PTPRD: variants seen among roughly 807,000 people sequenced by gnomAD.
PTPRD encodes protein tyrosine phosphatase receptor type D, also known as receptor-type tyrosine-protein phosphatase delta.
Under a neutral mutation model 214.5 loss-of-function variants are expected in PTPRD, and 34 were observed. The ratio of observed to expected loss-of-function variants is 0.16; its 90% CI spans 0.12 to 0.21. The LOEUF is 0.21. PTPRD is among the 10% of genes least tolerant of loss of function. PTPRD has a pLI of 1.00. For synonymous variants in PTPRD, 1,128 were observed against 845.7 expected (o/e 1.33, Z -5.79); for missense variants, 2,545 against 2,398.7 (o/e 1.06, Z -1.27).
At chr9:8,925,769 C>G (rs12337892) in intron 11 of PTPRD, among the ~76,000 whole-genome samples, 12,278 of 151,428 alleles carry the variant, frequency 0.081, 696 homozygotes, top group Non-Finnish European at 0.12. Context: ...CTTTCTCCCC[C>G]TGACACTCAC....
chr9:9,121,600 T>C (rs1316196220), intron 10 of PTPRD, among the ~76,000 whole-genome samples: 2 of 152,194 alleles, frequency 1.3e-5, no homozygotes, highest in Admixed American at 1.3e-4. Context: ...ATGTTCTCAC[T>C]GATTTGTGGG....
intron 11 of PTPRD, among the ~76,000 whole-genome samples, chr9:8,948,276 C>A (rs920715609): frequency 6.8e-6 from 1 of 147,558 alleles, no homozygotes; most frequent in African/African-American, 2.5e-5. Context: ...CCTCAGCCTC[C>A]CAAAGTGCTG....
intron 3 of PTPRD, among the ~76,000 whole-genome samples, chr9:10,116,539 T>G (rs1256469350): frequency 1.3e-5 from 2 of 152,174 alleles, no homozygotes; most frequent in African/African-American, 4.8e-5. Context: ...GGTTTTTTAG[T>G]GAAACACATA....
intron 14 of PTPRD, among the ~76,000 whole-genome samples, chr9:8,629,344 A>G (rs542281155): frequency 5.9e-5 from 9 of 151,886 alleles, no homozygotes; most frequent in Non-Finnish European, 1.3e-4. Context: ...GTGATTGATA[A>G]CATCTATCAG....
intron 9 of PTPRD, among the ~76,000 whole-genome samples, chr9:9,378,828 T>A (rs1035302446): frequency 3.3e-5 from 5 of 152,118 alleles, no homozygotes; most frequent in African/African-American, 1.2e-4. Flanking sequence ...GATGTATCCC[T>A]TAAAATCTTT....
chr9:8,910,736 G>C (rs1023247978), intron 11 of PTPRD, among the ~76,000 whole-genome samples: 1 of 151,948 alleles, frequency 6.6e-6, no homozygotes, highest in Non-Finnish European at 1.5e-5. Context: ...TAATCTACTA[G>C]AACTAGAAAA....
chr9:8,636,596 T>G, intron 13 of PTPRD, 103 bp downstream of exon 13: 4 of 1,386,492 alleles, frequency 2.9e-6, no homozygotes, highest in Non-Finnish European at 4.0e-6. Context: ...ATACCATATA[T>G]CAGTGACACC....
At chr9:8,642,477 T>A (rs2096597972) in intron 12 of PTPRD, among the ~76,000 whole-genome samples, 1 of 152,210 alleles carries the variant, frequency 6.6e-6, no homozygotes, top group South Asian at 2.1e-4. Flanking sequence ...AACATGCAGG[T>A]ACCCCTGTCT....
intron 9 of PTPRD, among the ~76,000 whole-genome samples, chr9:9,340,939 T>C (rs1414597350): frequency 6.6e-6 from 1 of 152,172 alleles, no homozygotes; most frequent in Admixed American, 6.5e-5. Context: ...TTTTTGAACC[T>C]AAATACACAG....
At position 8,484,158 on chromosome 9, in the gene PTPRD, G is replaced by A. The variant is rs1168823331; in HGVS notation, c.3374C>T (p.Thr1125Ile). 6.2e-7 allele frequency: 1 copy of A among 1,614,128 alleles called. No individual in the cohort carries two copies. Among genetic ancestry groups the A allele is most frequent in the Non-Finnish European group, 8.5e-7 (1 of 1,180,018 alleles). ...TGCAGGTACTTCAGGCAGTTGCACA[G>A]TAATCATGCCATCCAAGTTGGTCTT... ...IGKTNLDGMI[T>I]VQLPEVPANE... Residue 1125 changes from threonine to isoleucine, a missense_variant, in exon 30 of 46, where the codon ACT becomes ATT. Physicochemically the swap from Thr to Ile is moderately conservative, Grantham distance 89 (BLOSUM62 -1). Coordinates refer to ENST00000381196, the MANE Select transcript of PTPRD (RefSeq NM_002839.4).
At chr9:9,629,775 A>G (rs891307546) in intron 7 of PTPRD, among the ~76,000 whole-genome samples, 20 of 152,206 alleles carry the variant, frequency 1.3e-4, no homozygotes, top group Admixed American at 6.5e-4. Flanking sequence ...TCAAACCGCT[A>G]GAGACAGGTG....
intron 14 of PTPRD, among the ~76,000 whole-genome samples, chr9:8,561,812 G>C (rs932735391): frequency 5.3e-5 from 8 of 151,512 alleles, no homozygotes; most frequent in Admixed American, 5.3e-4. Flanking sequence ...AAGGGTAACG[G>C]TTGAGATGTC....
intron 9 of PTPRD, among the ~76,000 whole-genome samples, 183 bp downstream of exon 9, chr9:9,397,266 A>G (rs890378009): frequency 6.6e-6 from 1 of 152,064 alleles, no homozygotes; most frequent in African/African-American, 2.4e-5. Context: ...AATCTGGTTG[A>G]AAACTAAAGT....
intron 3 of PTPRD, among the ~76,000 whole-genome samples, chr9:10,274,863 T>C (rs2094593273): frequency 6.6e-6 from 1 of 152,126 alleles, no homozygotes; most frequent in Non-Finnish European, 1.5e-5. Context: ...ACAGCAGCAA[T>C]GGAAATGTGC....
In PTPRD at chr9:10,449,959, T is replaced by C. The variant is rs572696688; in HGVS notation, c.-599-108942A>G. Among the ~76,000 whole-genome samples the C allele has an allele frequency of 4.4e-3, 671 of 151,818 alleles. 9 individuals carry two copies. Among genetic ancestry groups the C allele is most frequent in the Non-Finnish European group, 6.4e-3 (436 of 68,008 alleles). On this transcript the variant is annotated intron_variant, in intron 2 of 45. Transcript: ENST00000381196. ...ACCTTACCCCCAACCCCGTGCTCTCTGAAACATGTGCTGTGTCCACTCAGG... is the reference window on the plus strand; with the variant it reads ...ACCTTACCCCCAACCCCGTGCTCTCCGAAACATGTGCTGTGTCCACTCAGG...
At chr9:8,459,447 G>C (rs1401689801) in intron 33 of PTPRD, among the ~76,000 whole-genome samples, 2 of 151,900 alleles carry the variant, frequency 1.3e-5, no homozygotes, top group African/African-American at 4.8e-5. Flanking sequence ...TCTATATAAA[G>C]GGAAGTAATT....
chr9:9,535,060 T>C (rs2076241766), intron 8 of PTPRD, among the ~76,000 whole-genome samples: 1 of 152,096 alleles, frequency 6.6e-6, no homozygotes, highest in African/African-American at 2.4e-5. Flanking sequence ...TCTTTAAATA[T>C]GGAAAAGTAG....
chr9:10,261,682 T>C (rs2154376152), intron 3 of PTPRD, among the ~76,000 whole-genome samples: 1 of 152,178 alleles, frequency 6.6e-6, no homozygotes, highest in Admixed American at 6.5e-5. Context: ...TCCAAATCAG[T>C]TAATCTAAAA....
At chr9:10,086,813 A>T (rs915054216) in intron 3 of PTPRD, among the ~76,000 whole-genome samples, 1 of 151,832 alleles carries the variant, frequency 6.6e-6, no homozygotes, top group South Asian at 2.1e-4. Flanking sequence ...TCAGGAGATG[A>T]GTTCAAATCT....
Sources: gnomAD v4.1 joint callset for allele counts (sites outside exome capture counted in the v4.1 genomes callset) on GRCh38, gnomAD v4.1.1 for gene constraint, MANE v1.5 for transcripts, NCBI Gene and HGNC (gene_info 2026-07-23, HGNC 2026-07-21) for gene names.